The following CPE variants were observed in gnomAD, a reference collection of about 807,000 sequenced individuals.
CPE encodes the protein carbocypeptidase E.
Under a neutral mutation model 53.5 loss-of-function variants are expected in CPE, and 17 were observed. The ratio of observed to expected loss-of-function variants is 0.32; its 90% CI spans 0.22 to 0.48. CPE has a LOEUF of 0.48. Ranked by LOEUF, CPE falls within the 20% of genes least tolerant of loss-of-function variation. The probability of loss-of-function intolerance (pLI) is 0.99; values close to 1 mark genes in which losing one functional copy is unlikely to be tolerated. For missense variants in CPE, 524 were observed against 614.7 expected (o/e 0.85, Z 1.56); for synonymous variants, 226 against 228.8 (o/e 0.99, Z 0.11).
At chr4:165,491,189 G>A (rs1732597549) in intron 6 of CPE, among the ~76,000 whole-genome samples, 1 of 152,162 alleles carries the variant, frequency 6.6e-6, no homozygotes, top group African/African-American at 2.4e-5. Flanking sequence ...GCAGAAAAAA[G>A]TAAAGCCATG....
At chr4:165,475,164 T>C (rs1732273947) in intron 3 of CPE, among the ~76,000 whole-genome samples, 1 of 152,168 alleles carries the variant, frequency 6.6e-6, no homozygotes, top group African/African-American at 2.4e-5. Context: ...GGAAGAATTT[T>C]CCCTCCTTTC....
At chr4:165,473,981 C>A (rs1732250954) in intron 3 of CPE, among the ~76,000 whole-genome samples, 1 of 152,230 alleles carries the variant, frequency 6.6e-6, no homozygotes, top group African/African-American at 2.4e-5. Context: ...TTTCCAGTAG[C>A]TAAGCTTGTG....
rs11415472 is a variant in CPE, at chr4:165,442,023, G to GTTTTT, written c.308-22359_308-22355dup. On this transcript the variant is annotated intron_variant, in intron 1 of 8. Transcript: ENST00000402744. The stretch of plus-strand genomic sequence containing the variant: ...CTTCCTACAGCAAGACGGTGAGTTT[G>GTTTTT]TTTTTTTTTTTTGTTTTTTTTTTGT... Among the ~76,000 whole-genome samples, 71 of 107,432 alleles carry GTTTTT rather than the reference G, an allele frequency of 6.6e-4. 1 individual carries two copies. Among genetic ancestry groups the GTTTTT allele is most frequent in the East Asian group, 1.7e-3 (6 of 3,440 alleles). 70.5% of individuals were successfully genotyped at this position (107,432 alleles called of 152,430 possible). A position where few individuals can be genotyped will look rare whatever the true frequency, so the allele number is the denominator to read the frequency against.
At position 165,481,970 on chromosome 4, in the gene CPE, A is replaced by G. The variant is rs74393520; in HGVS notation, c.673-272A>G. On this transcript the variant is annotated intron_variant, in intron 3 of 8. Transcript: ENST00000402744. Reference sequence around the variant, plus strand: ...TGAGTTGCATGCTGGTTTTCAAGTTACAAAGAGAGGATAACTGGCAGCCCA... The same window carrying G: ...TGAGTTGCATGCTGGTTTTCAAGTTGCAAAGAGAGGATAACTGGCAGCCCA... 1.6e-3 allele frequency among the ~76,000 whole-genome samples: 239 copies of G among 152,354 alleles called. 4 individuals carry two copies. The East Asian group carries it at 0.038, about 24-fold the overall frequency.
intron 1 of CPE, among the ~76,000 whole-genome samples, chr4:165,440,462 CCACACA>C (rs1192278322): frequency 0.016 from 2,291 of 139,008 alleles, 156 homozygotes; most frequent in East Asian, 0.089. Flanking sequence ...CCACCCCCCC[CCACACA>C]CACAAGCTGT....
intron 4 of CPE, among the ~76,000 whole-genome samples, chr4:165,483,612 G>A (rs1025448967): frequency 6.6e-6 from 1 of 152,118 alleles, no homozygotes; most frequent in African/African-American, 2.4e-5. Flanking sequence ...CACCAACACT[G>A]GTGGGAATCC....
chr4:165,467,904 A>G (rs758557033), intron 3 of CPE, 49 bp downstream of exon 3: 6 of 1,569,610 alleles, frequency 3.8e-6, no homozygotes, highest in Non-Finnish European at 5.2e-6. Context: ...GCCTAAGGAA[A>G]TATGTTCCAA....
rs542470581 is a variant in CPE at position 165,454,190 on chromosome 4, T to A, written c.308-10200T>A. 2.6e-4 allele frequency among the ~76,000 whole-genome samples: 39 copies of A among 152,110 alleles called. No homozygotes were observed. In the South Asian group the frequency reaches 7.7e-3, roughly 30 times the overall value. On this transcript the variant is annotated intron_variant, in intron 1 of 8. Transcript: ENST00000402744. ...CCATCCCACCACTGCATATGGAGAG[T>A]GATTATCTGGGAGAGATGGCTTCTG... is the stretch of plus-strand genomic sequence containing the variant.
chr4:165,447,016 C>T (rs992412752), intron 1 of CPE, among the ~76,000 whole-genome samples: 2 of 152,146 alleles, frequency 1.3e-5, no homozygotes, highest in African/African-American at 4.8e-5. Context: ...GCTACAAACC[C>T]GTCTGGCATA....
At chr4:165,456,176 T>C (rs1488622533) in intron 1 of CPE, among the ~76,000 whole-genome samples, 1 of 152,218 alleles carries the variant, frequency 6.6e-6, no homozygotes, top group Non-Finnish European at 1.5e-5. Flanking sequence ...GAATATCTGA[T>C]ATTATTGCTG....
Position 165,397,452 on chromosome 4 carries a change from G to T in CPE, c.307+17924G>T, listed in dbSNP as rs116591162. On this transcript the variant is annotated intron_variant, in intron 1 of 8. Transcript: ENST00000402744. Reference sequence around the variant, plus strand: ...GCTACATTCTTAAATACGCAATTCGGTATATTAGACACCTATTTATTTTGT... The same window carrying T: ...GCTACATTCTTAAATACGCAATTCGTTATATTAGACACCTATTTATTTTGT... 9.3e-3 allele frequency among the ~76,000 whole-genome samples: 1,418 copies of T among 152,248 alleles called. 12 individuals carry two copies. The highest frequency in any genetic ancestry group is 0.014 in the Non-Finnish European group (985 of 68,024).
chr4:165,425,173 A>G (rs1731297307), intron 1 of CPE, among the ~76,000 whole-genome samples: 1 of 152,102 alleles, frequency 6.6e-6, no homozygotes, highest in Admixed American at 6.6e-5. Flanking sequence ...CTACTGTGCC[A>G]GGCGGAAACT....
At chr4:165,446,926 T>G (rs536413601) in intron 1 of CPE, among the ~76,000 whole-genome samples, 1 of 152,336 alleles carries the variant, frequency 6.6e-6, no homozygotes, top group African/African-American at 2.4e-5. Context: ...GTTAGATGAT[T>G]TTGTCATTGA....
At chr4:165,481,547 C>T (rs1579281172) in intron 3 of CPE, among the ~76,000 whole-genome samples, 2 of 152,146 alleles carry the variant, frequency 1.3e-5, no homozygotes, top group East Asian at 3.8e-4. Context: ...CTTTTGGCTC[C>T]ACATTATTTC....
intron 2 of CPE, among the ~76,000 whole-genome samples, chr4:165,466,030 G>A (rs1236307470): frequency 6.6e-6 from 1 of 152,016 alleles, no homozygotes; most frequent in East Asian, 1.9e-4. Flanking sequence ...AAATACTTAT[G>A]ACAAGTACAG....
chr4:165,412,931 T>C (rs540173236), intron 1 of CPE, among the ~76,000 whole-genome samples: 10 of 152,344 alleles, frequency 6.6e-5, no homozygotes, highest in Admixed American at 6.5e-4. Flanking sequence ...AACGTTCCTC[T>C]GCTTAATTCC....
At chr4:165,472,000 C>T (rs1380251663) in intron 3 of CPE, among the ~76,000 whole-genome samples, 2 of 152,156 alleles carry the variant, frequency 1.3e-5, no homozygotes, top group Non-Finnish European at 2.9e-5. Flanking sequence ...TTTCCAAATT[C>T]TGGAGAAATC....
At chr4:165,438,932 C>G (rs1731557170) in intron 1 of CPE, among the ~76,000 whole-genome samples, 1 of 152,116 alleles carries the variant, frequency 6.6e-6, no homozygotes, top group Non-Finnish European at 1.5e-5. Flanking sequence ...AGGCTGGCCC[C>G]TTTAATATTG....
intron 1 of CPE, among the ~76,000 whole-genome samples, chr4:165,434,816 C>A (rs1212342586): frequency 6.6e-6 from 1 of 152,108 alleles, no homozygotes; most frequent in Non-Finnish European, 1.5e-5. Flanking sequence ...TGAAATTTGA[C>A]CCTTAGTGTT....
Sources: gnomAD v4.1 joint callset for allele counts (sites outside exome capture counted in the v4.1 genomes callset) on GRCh38, gnomAD v4.1.1 for gene constraint, MANE v1.5 for transcripts, NCBI Gene and HGNC (gene_info 2026-07-23, HGNC 2026-07-21) for gene names.